The following DCDC1 variants were observed in gnomAD, a reference collection of about 807,000 sequenced individuals.
DCDC1 encodes the protein doublecortin domain-containing protein 1.
In DCDC1, 200 loss-of-function variants were observed where a neutral mutation model predicts 178.3. The ratio of observed to expected loss-of-function variants is 1.12; its 90% CI spans 1.00 to 1.26. DCDC1 has a LOEUF of 1.26. DCDC1 is among the 50% of genes most tolerant of loss of function. The pLI is 0.00. For synonymous variants in DCDC1, 690 were observed against 604.8 expected, an observed-to-expected ratio of 1.14 and a Z score of -2.07; for missense variants, 1,983 against 1,749.2, an observed-to-expected ratio of 1.13 and a Z score of -2.38.
intron 20 of DCDC1, among the ~76,000 whole-genome samples, chr11:31,003,736 G>T (rs150319697): frequency 5.3e-5 from 8 of 152,324 alleles, no homozygotes; most frequent in Admixed American, 1.3e-4. Context: ...AAATAGGATG[G>T]ATCATAGGAC....
intron 8 of DCDC1, among the ~76,000 whole-genome samples, chr11:31,263,752 A>G (rs1457622682): frequency 6.6e-6 from 1 of 152,208 alleles, no homozygotes; most frequent in African/African-American, 2.4e-5. Flanking sequence ...AATGGGAAAC[A>G]AATGGAAGTA....
intron 3 of DCDC1, among the ~76,000 whole-genome samples, chr11:31,322,075 G>A (rs1229835456): frequency 1.3e-5 from 2 of 152,108 alleles, no homozygotes; most frequent in East Asian, 3.9e-4. Context: ...GTCCTGTTTT[G>A]CATATTGCCA....
chr11:30,988,155 T>C (rs1340901028), intron 20 of DCDC1, among the ~76,000 whole-genome samples: 1 of 152,134 alleles, frequency 6.6e-6, no homozygotes, highest in Non-Finnish European at 1.5e-5. Context: ...TTAAAAATAA[T>C]GACTCTGGCT....
At chr11:31,218,792 C>T (rs1469559347) in intron 9 of DCDC1, among the ~76,000 whole-genome samples, 2 of 152,076 alleles carry the variant, frequency 1.3e-5, no homozygotes, top group Non-Finnish European at 2.9e-5. Context: ...TTCTTCCTCC[C>T]TCACTCCCAT....
At chr11:31,329,896 A>G (rs1049690886) in intron 2 of DCDC1, among the ~76,000 whole-genome samples, 2 of 152,148 alleles carry the variant, frequency 1.3e-5, no homozygotes, top group African/African-American at 2.4e-5. Flanking sequence ...ATGATTTATA[A>G]TCCTTTGGGT....
chr11:31,053,658 T>C lies in DCDC1; in HGVS notation c.2591+10811A>G, dbSNP rs543373090. 3.3e-5 allele frequency among the ~76,000 whole-genome samples: 5 copies of C among 152,276 alleles called. No homozygotes were observed. The South Asian group carries it at 1.0e-3, about 32-fold the overall frequency. On this transcript the variant is annotated intron_variant, in intron 20 of 38. Coordinates refer to ENST00000684477, the MANE Select transcript of DCDC1 (RefSeq NM_001387274.1). Reference sequence around the variant, plus strand: ...GATCAAGTGGGTTTCATACCAGGGATGGTTTAACATACACAAGTCAATAAA... The same window carrying C: ...GATCAAGTGGGTTTCATACCAGGGACGGTTTAACATACACAAGTCAATAAA...
At chr11:31,278,787 A>C (rs1946182469) in intron 7 of DCDC1, among the ~76,000 whole-genome samples, 1 of 152,280 alleles carries the variant, frequency 6.6e-6, no homozygotes, top group South Asian at 2.1e-4. Context: ...TAAATACATA[A>C]AATTTTTATT....
chr11:31,093,397 G>A (rs1205294344), intron 16 of DCDC1, among the ~76,000 whole-genome samples: 1 of 152,060 alleles, frequency 6.6e-6, no homozygotes, highest in Non-Finnish European at 1.5e-5. Flanking sequence ...TGTGATGACG[G>A]GACAAAGGGA....
intron 20 of DCDC1, among the ~76,000 whole-genome samples, chr11:30,988,669 G>A (rs1050231585): frequency 6.6e-6 from 1 of 152,112 alleles, no homozygotes; most frequent in African/African-American, 2.4e-5. Flanking sequence ...GAATTGTCTT[G>A]AGCCACACAT....
chr11:31,341,396 T>C (rs560657539), intron 1 of DCDC1, among the ~76,000 whole-genome samples: 1 of 136,506 alleles, frequency 7.3e-6, no homozygotes, highest in Non-Finnish European at 1.6e-5. Flanking sequence ...GATAGATAGA[T>C]AGATAGATAG....
chr11:31,228,169 T>C (rs1282951330), intron 9 of DCDC1, among the ~76,000 whole-genome samples: 1 of 152,058 alleles, frequency 6.6e-6, no homozygotes, highest in African/African-American at 2.4e-5. Flanking sequence ...TTTGGATATA[T>C]TTTGAGCCAT....
At chr11:31,065,647 T>C (rs748572888) in intron 18 of DCDC1, among the ~76,000 whole-genome samples, 4 of 152,116 alleles carry the variant, frequency 2.6e-5, no homozygotes, top group African/African-American at 7.2e-5. Context: ...TCTATGAACA[T>C]AGAAAGGGCT....
intron 20 of DCDC1, among the ~76,000 whole-genome samples, chr11:30,954,209 G>A (rs1191992937): frequency 1.3e-5 from 2 of 151,716 alleles, no homozygotes; most frequent in Admixed American, 1.3e-4. Context: ...TAGAGACGGG[G>A]TTTCACCGTG....
At chr11:31,323,600 GT>G (rs899261923) in intron 3 of DCDC1, among the ~76,000 whole-genome samples, 11 of 150,916 alleles carry the variant, frequency 7.3e-5, no homozygotes, top group East Asian at 3.9e-4. Flanking sequence ...TTCCTGAAGA[GT>G]TTTTTTTTAA....
At chr11:30,946,244 C>T (rs569868259) in intron 21 of DCDC1, among the ~76,000 whole-genome samples, 2 of 152,260 alleles carry the variant, frequency 1.3e-5, no homozygotes, top group East Asian at 1.9e-4. Flanking sequence ...CAGTGGTGTA[C>T]GTTATCCTGC....
At chr11:31,000,944 GA>G (rs1237150792) in intron 20 of DCDC1, among the ~76,000 whole-genome samples, 1 of 152,074 alleles carries the variant, frequency 6.6e-6, no homozygotes, top group African/African-American at 2.4e-5. Context: ...TTTGTAAAGA[GA>G]TAACTTGAGA....
At chr11:30,969,182 G>C (rs567965343) in intron 20 of DCDC1, among the ~76,000 whole-genome samples, 2 of 152,206 alleles carry the variant, frequency 1.3e-5, no homozygotes, top group African/African-American at 4.8e-5. Context: ...TATTACTTTA[G>C]AGGCAAAATT....
At chr11:30,902,319 C>T (rs1944742746) in intron 32 of DCDC1, among the ~76,000 whole-genome samples, 1 of 152,140 alleles carries the variant, frequency 6.6e-6, no homozygotes, top group South Asian at 2.1e-4. Flanking sequence ...TTCTTCCCCT[C>T]TGGAGAACGT....
intron 18 of DCDC1, among the ~76,000 whole-genome samples, chr11:31,066,356 A>C (rs895453734): frequency 6.6e-6 from 1 of 152,196 alleles, no homozygotes; most frequent in Non-Finnish European, 1.5e-5. Flanking sequence ...AAGCAGACAC[A>C]GGGAAGTTAA....
Sources: gnomAD v4.1 joint callset for allele counts (sites outside exome capture counted in the v4.1 genomes callset) on GRCh38, gnomAD v4.1.1 for gene constraint, MANE v1.5 for transcripts, NCBI Gene and HGNC (gene_info 2026-07-23, HGNC 2026-07-21) for gene names.